Variants in CCL27 observed in about 807,000 individuals in gnomAD.
CCL27 encodes the protein C-C motif chemokine ligand 27.
A neutral mutation model predicts 7.7 loss-of-function variants in CCL27; 8 were observed. That is an observed-to-expected ratio of 1.04 (90% CI 0.61 to 1.88). The LOEUF (loss-of-function observed/expected upper bound fraction) is 1.88. CCL27 is among the 40% of genes most tolerant of loss of function. The pLI is 0.00. For missense variants in CCL27, 130 were observed against 130.0 expected, an observed-to-expected ratio of 1.00 and a Z score of 0.00; for synonymous variants, 49 against 53.2, an observed-to-expected ratio of 0.92 and a Z score of 0.34.
At position 34,661,934 on chromosome 9, in the gene CCL27, A is replaced by AT; in HGVS notation, c.*9dup. 6.2e-7 allele frequency: 1 copy of AT among 1,613,884 alleles called. No individual in the cohort carries two copies. The highest frequency in any genetic ancestry group is 8.5e-7 in the Non-Finnish European group (1 of 1,179,836). ...TCCAATGCTGCTTTATTATTTGGCT[A>AT]TTGGGGGCTTCAGCCCATTTTCCTT... On this transcript the variant is annotated 3_prime_UTR_variant, in exon 3 of 3. Coordinates refer to ENST00000259631, the MANE Select transcript of CCL27 (RefSeq NM_006664.4).
Position 34,662,544 on chromosome 9 carries a change from C to T in CCL27, c.70+20G>A, listed in dbSNP as rs936330603. 1 of 1,613,734 alleles carries T rather than the reference C, an allele frequency of 6.2e-7. No homozygotes were observed. The highest frequency in any genetic ancestry group is 1.3e-5 in the African/African-American group (1 of 74,900). On this transcript the variant is annotated intron_variant, in intron 1 of 2. Coordinates refer to ENST00000259631, the MANE Select transcript of CCL27 (RefSeq NM_006664.4). ...CCCATTCACCCAGACCCCCAGCTTT[C>T]TATACCCCCAAGTACTCACCTGCTG...
Position 34,662,419 on chromosome 9 carries a change from A to G in CCL27, c.71-3T>C. 1 of 1,614,014 alleles carries G rather than the reference A, an allele frequency of 6.2e-7. No homozygotes were observed. Among genetic ancestry groups the G allele is most frequent in the African/African-American group, 1.3e-5 (1 of 75,020 alleles). On this transcript the variant is annotated splice_region_variant and splice_polypyrimidine_tract_variant and intron_variant, in intron 1 of 2. Coordinates refer to ENST00000259631, the MANE Select transcript of CCL27 (RefSeq NM_006664.4). ...AGTGCTGGGTGGCAGTAGGAATGCT[A>G]GGGGCAACAGGGCCATGTGTTCAGA...
intron 2 of CCL27, 35 bp from the exon 3 acceptor site, chr9:34,662,114 C>G: frequency 6.2e-7 from 1 of 1,613,730 alleles, no homozygotes; most frequent in Non-Finnish European, 8.5e-7. Flanking sequence ...ATGACCATAG[C>G]TTGGGGATGA....
intron 1 of CCL27, 55 bp from the exon 2 acceptor site, chr9:34,662,471 C>T: frequency 6.2e-7 from 1 of 1,613,542 alleles, no homozygotes; most frequent in South Asian, 1.1e-5. Context: ...ACCTCTCTGC[C>T]AGACAGCTGG....
chr9:34,661,938 G>A lies in CCL27; in HGVS notation c.*6C>T, dbSNP rs772855437. ...ATGCTGCTTTATTATTTGGCTATTG[G>A]GGGCTTCAGCCCATTTTCCTTAGCA... On this transcript the variant is annotated 3_prime_UTR_variant, in exon 3 of 3. Transcript: ENST00000259631. The A allele has an allele frequency of 7.4e-6, 12 of 1,613,902 alleles. No individual in the cohort carries two copies. Among genetic ancestry groups the A allele is most frequent in the Non-Finnish European group, 1.0e-5 (12 of 1,179,820 alleles).
At chr9:34,662,217 G>C in intron 2 of CCL27, 67 bp downstream of exon 2, 1 of 1,608,802 alleles carries the variant, frequency 6.2e-7, no homozygotes, top group Admixed American at 1.7e-5. Flanking sequence ...GTTAGGGCTG[G>C]GGTTGGGATC....
At position 34,661,934 on chromosome 9, in the gene CCL27, A is replaced by G. The variant is rs761532091; in HGVS notation, c.*10T>C. 24 of 1,613,766 alleles carry G rather than the reference A, an allele frequency of 1.5e-5. No individual in the cohort carries two copies. The highest frequency in any genetic ancestry group is 1.6e-4 in the Middle Eastern group (1 of 6,082). ...TCCAATGCTGCTTTATTATTTGGCT[A>G]TTGGGGGCTTCAGCCCATTTTCCTT... On this transcript the variant is annotated 3_prime_UTR_variant, in exon 3 of 3. Transcript: ENST00000259631.
chr9:34,661,907 T>C lies in CCL27; in HGVS notation c.*37A>G. On this transcript the variant is annotated 3_prime_UTR_variant, in exon 3 of 3. Transcript: ENST00000259631. ...CTTGGAGATTATACTCAGAAATTAT[T>C]ATCCAATGCTGCTTTATTATTTGGC... 2 of 1,607,928 alleles carry C rather than the reference T, an allele frequency of 1.2e-6. No individual in the cohort carries two copies. The highest frequency in any genetic ancestry group is 8.5e-7 in the Non-Finnish European group (1 of 1,175,214).
intron 2 of CCL27, 25 bp downstream of exon 2, chr9:34,662,258 CA>C: frequency 6.2e-7 from 1 of 1,613,126 alleles, no homozygotes; most frequent in African/African-American, 1.3e-5. Context: ...AGGTCAGAGT[CA>C]GGGGTATCAG....
At chr9:34,662,197 A>G (rs2132363043) in intron 2 of CCL27, 87 bp downstream of exon 2, 1 of 1,605,952 alleles carries the variant, frequency 6.2e-7, no homozygotes, top group South Asian at 1.1e-5. Context: ...AGTTGGCAAC[A>G]GAATTAGCAG....
In CCL27 at chr9:34,662,416, G is replaced by T; in HGVS notation, c.71C>A (p.Ala24Glu). Residue 24 changes from alanine (A) to glutamate (E), a missense_variant and splice_region_variant, in exon 2 of 3, where the codon GCA becomes GAA. Coordinates refer to ENST00000259631, the MANE Select transcript of CCL27 (RefSeq NM_006664.4). ...SLLLSPDPTA[A>E]FLLPPSTACC... ...GGCAGTGCTGGGTGGCAGTAGGAAT[G>T]CTAGGGGCAACAGGGCCATGTGTTC... 6.2e-7 allele frequency: 1 copy of T among 1,614,054 alleles called. No individual in the cohort carries two copies. Among genetic ancestry groups the T allele is most frequent in the Non-Finnish European group, 8.5e-7 (1 of 1,179,990 alleles).
chr9:34,662,565 T>G lies in CCL27; in HGVS notation c.69A>C (p.Ala23=). The G allele has an allele frequency of 6.2e-7, 1 of 1,614,094 alleles. No individual in the cohort carries two copies. The highest frequency in any genetic ancestry group is 8.5e-7 in the Non-Finnish European group (1 of 1,179,986). ...CTTTCTATACCCCCAAGTACTCACC[T>G]GCTGTAGGGTCTGGGCTCAGGAGCA... ...LSLLLSPDPT[A]AFLLPPSTAC... is the part of the protein sequence containing the mutation. The change falls in exon 1 of 3, where the codon GCA becomes GCC. Residue 23 remains alanine (A), a splice_region_variant and synonymous_variant. Coordinates refer to ENST00000259631, the MANE Select transcript of CCL27 (RefSeq NM_006664.4).
In CCL27 at chr9:34,662,637, G is replaced by T; in HGVS notation, c.-4C>A. 1 of 1,610,476 alleles carries T rather than the reference G, an allele frequency of 6.2e-7. No individual in the cohort carries two copies. Among genetic ancestry groups the T allele is most frequent in the Non-Finnish European group, 8.5e-7 (1 of 1,178,394 alleles). On this transcript the variant is annotated 5_prime_UTR_variant, in exon 1 of 3. Transcript: ENST00000259631. Reference sequence around the variant, plus strand: ...AGAAGGTTGGGGGCCCCTTCATGTTGCTCAGCCTAGACTCTTCCTTCTCTC... The same window carrying T: ...AGAAGGTTGGGGGCCCCTTCATGTTTCTCAGCCTAGACTCTTCCTTCTCTC...
intron 1 of CCL27, 33 bp downstream of exon 1, chr9:34,662,531 G>C: frequency 6.2e-7 from 1 of 1,612,964 alleles, no homozygotes; most frequent in Non-Finnish European, 8.5e-7. Context: ...CATTCACCCA[G>C]ACCCCCAGCT....
Position 34,662,029 on chromosome 9 carries a change from A to G in CCL27, c.254T>C (p.Leu85Pro). Residue 85 changes from leucine to proline, a missense_variant, in exon 3 of 3, where the codon CTG (leucine) becomes CCG (proline). By Grantham distance (98) the Leu-to-Pro change is moderately conservative (BLOSUM62 -3). Transcript: ENST00000259631. ...CTCTTGGTGCTCAAACCACTGTGAC[A>G]GGCTGGGGTTCTGGGGGTGGATGCA... ...SICIHPQNPS[L>P]SQWFEHQERK... is the part of the protein sequence containing the mutation. The G allele has an allele frequency of 6.2e-6, 10 of 1,614,196 alleles. No homozygotes were observed. The highest frequency in any genetic ancestry group is 8.5e-6 in the Non-Finnish European group (10 of 1,180,008).
chr9:34,662,462 CCT>C (rs760427871), intron 1 of CCL27, 46 bp from the exon 2 acceptor site: 1 of 1,613,918 alleles, frequency 6.2e-7, no homozygotes, highest in South Asian at 1.1e-5. Flanking sequence ...TGACCAAGAA[CCT>C]CTCTGCCAGA....
At position 34,662,080 on chromosome 9, in the gene CCL27, C is replaced by T. The variant is rs767748006; in HGVS notation, c.204-1G>A. On this transcript the variant is annotated splice_acceptor_variant, in intron 2 of 2. Transcript: ENST00000259631. LOFTEE classifies it high-confidence loss of function. ...GATGCTGCGTTGAGCCAGGTGAAGC[C>T]TGGGTAGAGAAAGGTCCAAAGCTAT... The T allele has an allele frequency of 7.4e-6, 12 of 1,613,990 alleles. No individual in the cohort carries two copies. Among genetic ancestry groups the T allele is most frequent in the Non-Finnish European group, 1.0e-5 (12 of 1,180,032 alleles).
rs1403525300 is a variant in CCL27 at position 34,662,060 on chromosome 9, T to C, written c.223A>G (p.Ser75Gly). ...GGGTTCTGGGGGTGGATGCAGATGCTGCGTTGAGCCAGGTGAAGCCTGGGT... is the reference window on the plus strand; with the variant it reads ...GGGTTCTGGGGGTGGATGCAGATGCCGCGTTGAGCCAGGTGAAGCCTGGGT... ...QAFVLHLAQR[S>G]ICIHPQNPSL... is the part of the protein sequence containing the mutation. Residue 75 changes from serine to glycine, a missense_variant, in exon 3 of 3, where the codon AGC becomes GGC. By Grantham distance (56) the Ser-to-Gly change is moderately conservative. Coordinates refer to ENST00000259631, the MANE Select transcript of CCL27 (RefSeq NM_006664.4). 5 of 1,614,066 alleles carry C rather than the reference T, an allele frequency of 3.1e-6. No homozygotes were observed. The highest frequency in any genetic ancestry group is 4.2e-6 in the Non-Finnish European group (5 of 1,180,040).
At chr9:34,662,203 A>G in intron 2 of CCL27, 81 bp downstream of exon 2, 1 of 1,606,648 alleles carries the variant, frequency 6.2e-7, no homozygotes, top group South Asian at 1.1e-5. Flanking sequence ...CAACAGAATT[A>G]GCAGTTAGGG....
Sources: gnomAD v4.1 joint callset for allele counts on GRCh38, gnomAD v4.1.1 for gene constraint, MANE v1.5 for transcripts, NCBI Gene and HGNC (gene_info 2026-07-23, HGNC 2026-07-21) for gene names.